ZDHHC15: variants seen among roughly 807,000 people sequenced by gnomAD.
ZDHHC15 encodes the protein zDHHC palmitoyltransferase 15.
Under a neutral mutation model 31.7 loss-of-function variants are expected in ZDHHC15, and 19 were observed. The observed-to-expected ratio is 0.60, with a 90% CI of 0.42 to 0.88. ZDHHC15 has a LOEUF of 0.88. Ranked by LOEUF, ZDHHC15 falls within the 40% of genes least tolerant of loss-of-function variation. ZDHHC15 has a pLI of 0.00. For missense variants in ZDHHC15, 209 were observed against 251.2 expected (o/e 0.83, Z 1.14); for synonymous variants, 103 against 90.0 (o/e 1.14, Z -0.82).
At chrX:75,474,051 G>A (rs2084548372) in intron 3 of ZDHHC15, among the ~76,000 whole-genome samples, 1 of 111,008 alleles carries the variant, frequency 9.0e-6, no homozygotes, top group Non-Finnish European at 1.9e-5. Context: ...GGGTGGACTT[G>A]TGATGGTTAA....
At chrX:75,405,187 T>G (rs1294391033) in intron 10 of ZDHHC15, among the ~76,000 whole-genome samples, 1 of 111,097 alleles carries the variant, frequency 9.0e-6, no homozygotes, top group Non-Finnish European at 1.9e-5. Flanking sequence ...TGAGAACTTA[T>G]GAACAAAAAG....
At chrX:75,421,645 T>C (rs1271164202) in intron 9 of ZDHHC15, among the ~76,000 whole-genome samples, 2 of 102,794 alleles carry the variant, frequency 1.9e-5, no homozygotes, top group Non-Finnish European at 3.9e-5. Flanking sequence ...TTATAAAAGA[T>C]TGGTAGTGCC....
intron 8 of ZDHHC15, among the ~76,000 whole-genome samples, chrX:75,423,401 G>A (rs759055873): frequency 5.9e-4 from 63 of 106,463 alleles, no homozygotes; most frequent in East Asian, 3.0e-3. Flanking sequence ...TTGTGTTTAC[G>A]TGTACTCAGT....
intron 8 of ZDHHC15, 32 bp from the exon 9 acceptor site, chrX:75,422,022 G>A (rs773300284): frequency 1.7e-6 from 2 of 1,177,607 alleles, no homozygotes; most frequent in Admixed American, 2.5e-5. Context: ...GAAGAAAAGA[G>A]GAAGAAAGCA....
chrX:75,408,480 C>A (rs970872779), intron 10 of ZDHHC15, among the ~76,000 whole-genome samples: 3 of 111,808 alleles, frequency 2.7e-5, no homozygotes, highest in African/African-American at 9.8e-5. Flanking sequence ...ATATGACAAA[C>A]CCACAGCTAA....
intron 2 of ZDHHC15, among the ~76,000 whole-genome samples, chrX:75,500,241 C>A (rs1360232434): frequency 9.2e-6 from 1 of 108,646 alleles, no homozygotes; most frequent in Non-Finnish European, 1.9e-5. Flanking sequence ...TGTAATCAAA[C>A]ACCACCTGCT....
At chrX:75,511,753 T>C (rs1426205618) in intron 1 of ZDHHC15, among the ~76,000 whole-genome samples, 3 of 85,550 alleles carry the variant, frequency 3.5e-5, no homozygotes, top group East Asian at 7.7e-4. Context: ...TTCCAATCAA[T>C]AGAAAAAGAG....
chrX:75,442,972 C>T (rs1166517562), intron 4 of ZDHHC15, among the ~76,000 whole-genome samples: 43 of 84,961 alleles, frequency 5.1e-4, no homozygotes, highest in African/African-American at 1.8e-3. Flanking sequence ...GGCGACAGAG[C>T]GAGACTCCGT....
intron 10 of ZDHHC15, among the ~76,000 whole-genome samples, chrX:75,389,451 C>G (rs2083217191): frequency 9.2e-6 from 1 of 108,710 alleles, no homozygotes; most frequent in Admixed American, 9.9e-5. Flanking sequence ...GGAGAGACTC[C>G]TTCCTTCTGC....
At chrX:75,510,722 C>T (rs2085255303) in intron 1 of ZDHHC15, among the ~76,000 whole-genome samples, 2 of 77,258 alleles carry the variant, frequency 2.6e-5, no homozygotes, top group East Asian at 1.0e-3. Context: ...GCTATCCCTC[C>T]CCCATCCCCC....
intron 1 of ZDHHC15, among the ~76,000 whole-genome samples, chrX:75,521,448 T>C (rs2085439805): frequency 9.1e-6 from 1 of 110,330 alleles, no homozygotes; most frequent in African/African-American, 3.3e-5. Flanking sequence ...AGGCCAATAA[T>C]AATAAGAATG....
At chrX:75,407,546 A>T (rs1459643257) in intron 10 of ZDHHC15, among the ~76,000 whole-genome samples, 1 of 102,339 alleles carries the variant, frequency 9.8e-6, no homozygotes, top group Non-Finnish European at 2.0e-5. Flanking sequence ...TCCGGGAGGG[A>T]GGTGGGGGGC....
chrX:75,416,816 G>T (rs1187586440), intron 10 of ZDHHC15, among the ~76,000 whole-genome samples: 2 of 111,479 alleles, frequency 1.8e-5, no homozygotes, highest in African/African-American at 6.5e-5. Context: ...TACCCAGCAG[G>T]ATTGTTTAGA....
At chrX:75,510,559 TTTATTA>T (rs750097141) in intron 1 of ZDHHC15, among the ~76,000 whole-genome samples, 1 of 104,484 alleles carries the variant, frequency 9.6e-6, no homozygotes, top group African/African-American at 3.4e-5. Flanking sequence ...CTTTTGTCTT[TTTATTA>T]TTATTATTAT....
chrX:75,444,161 A>G (rs2083989511), intron 4 of ZDHHC15, among the ~76,000 whole-genome samples: 1 of 111,273 alleles, frequency 9.0e-6, no homozygotes, highest in Non-Finnish European at 1.9e-5. Flanking sequence ...ATAAAGACAC[A>G]TGCACACGTA....
chrX:75,436,493 C>T (rs1304906168), intron 4 of ZDHHC15, among the ~76,000 whole-genome samples: 1 of 111,836 alleles, frequency 8.9e-6, no homozygotes, highest in Non-Finnish European at 1.9e-5. Flanking sequence ...TTCCTCTTAG[C>T]ACTGTTTTGC....
intron 4 of ZDHHC15, among the ~76,000 whole-genome samples, chrX:75,443,940 A>G (rs12393225): frequency 0.011 from 1,237 of 110,616 alleles, 15 homozygotes; most frequent in African/African-American, 0.039. Flanking sequence ...ACCAGTTAGA[A>G]TGGCAATCAT....
intron 10 of ZDHHC15, among the ~76,000 whole-genome samples, chrX:75,405,076 G>A (rs1220897786): frequency 1.8e-5 from 2 of 111,922 alleles, no homozygotes; most frequent in African/African-American, 6.5e-5. Flanking sequence ...TGTCTTTTGT[G>A]GGAATATGGA....
intron 3 of ZDHHC15, among the ~76,000 whole-genome samples, chrX:75,453,882 C>T (rs776844553): frequency 2.7e-5 from 3 of 111,506 alleles, no homozygotes; most frequent in South Asian, 3.8e-4. Flanking sequence ...ATTGATGGAA[C>T]GTGTCTCAAA....
Sources: gnomAD v4.1 joint callset for allele counts (sites outside exome capture counted in the v4.1 genomes callset) on GRCh38, gnomAD v4.1.1 for gene constraint, MANE v1.5 for transcripts, NCBI Gene and HGNC (gene_info 2026-07-23, HGNC 2026-07-21) for gene names.